ZFAT: variants seen among roughly 807,000 people sequenced by gnomAD.
ZFAT encodes the protein zinc finger protein ZFAT.
In ZFAT, 64 loss-of-function variants were observed where a neutral mutation model predicts 117.7. The ratio of observed to expected loss-of-function variants is 0.54; its 90% CI spans 0.44 to 0.67. The LOEUF (loss-of-function observed/expected upper bound fraction) is 0.67. Among genes scored for constraint, ZFAT ranks in the 30% least tolerant of loss-of-function variants. The pLI is 0.00. For synonymous variants in ZFAT, 679 were observed against 615.0 expected (o/e 1.10, Z -1.54); for missense variants, 1,433 against 1,584.5 (o/e 0.90, Z 1.62).
chr8:134,578,150 C>A (rs911346415), intron 10 of ZFAT, among the ~76,000 whole-genome samples: 16 of 152,066 alleles, frequency 1.1e-4, no homozygotes, highest in Non-Finnish European at 1.0e-4. Context: ...CATGGCGGCT[C>A]ACATGTAATC....
chr8:134,521,022 TA>T (rs533871290), intron 12 of ZFAT, 21 bp from the exon 13 acceptor site: 20,659 of 1,334,748 alleles, frequency 0.015, no homozygotes, highest in South Asian at 0.023. Context: ...AGACAGAGGT[TA>T]AAAAAAAAAT....
chr8:134,717,630 C>T (rs1347016582), upstream of ZFAT, among the ~76,000 whole-genome samples: 7 of 150,332 alleles, frequency 4.7e-5, no homozygotes, highest in Non-Finnish European at 1.0e-4. Flanking sequence ...CTACAGGCGC[C>T]CACCACCACA....
chr8:134,657,652 G>A lies in ZFAT; in HGVS notation c.105C>T (p.His35=), dbSNP rs757606255. ...SELLSHVSEK[H]MEEGVNVDEI... ...CATCAACATTAACCCCTTCTTCCATGTGCTTCTCTGAAACGTGGGAGAGGA... is the reference window on the plus strand; with the variant it reads ...CATCAACATTAACCCCTTCTTCCATATGCTTCTCTGAAACGTGGGAGAGGA... The change falls in exon 2 of 16, where the codon CAC becomes CAT. Residue 35 remains histidine (H), a synonymous_variant. Coordinates refer to ENST00000377838, the MANE Select transcript of ZFAT (RefSeq NM_020863.4). The A allele has an allele frequency of 1.2e-6, 2 of 1,614,032 alleles. No homozygotes were observed.
intron 13 of ZFAT, among the ~76,000 whole-genome samples, chr8:134,514,571 G>C (rs998079336): frequency 5.3e-5 from 8 of 152,152 alleles, no homozygotes; most frequent in African/African-American, 1.7e-4. Context: ...TGAGCTCTCA[G>C]GGATTATCAG....
chr8:134,784,434 C>A, the ZFAT span: 8 of 152,038 alleles, frequency 5.3e-5, no homozygotes, highest in African/African-American at 1.4e-4. Context: ...TCTTTAAAAG[C>A]AAATCAGTCT....
intron 2 of ZFAT, among the ~76,000 whole-genome samples, chr8:134,645,283 T>A (rs1830816800): frequency 6.6e-6 from 1 of 152,242 alleles, no homozygotes; most frequent in Non-Finnish European, 1.5e-5. Context: ...ATTGTGAAGG[T>A]TAAACCTGAA....
chr8:134,536,196 C>A (rs184849029), intron 11 of ZFAT, among the ~76,000 whole-genome samples: 4 of 152,300 alleles, frequency 2.6e-5, no homozygotes, highest in African/African-American at 7.2e-5. Flanking sequence ...CTTGAGCTAG[C>A]AATTTCTATC....
At chr8:134,671,370 C>A (rs1471410823) in intron 1 of ZFAT, among the ~76,000 whole-genome samples, 1 of 152,162 alleles carries the variant, frequency 6.6e-6, no homozygotes, top group Non-Finnish European at 1.5e-5. Context: ...TACTGGCAAA[C>A]CGAATCCGGC....
chr8:134,808,404 T>C, the ZFAT span, among the ~76,000 whole-genome samples: 1,943 of 152,316 alleles, frequency 0.013, 22 homozygotes, highest in Non-Finnish European at 0.02. Flanking sequence ...CTTTATTTTC[T>C]TGACACACAA....
chr8:134,744,295 G>GTTTTTT, the ZFAT span, among the ~76,000 whole-genome samples: 1 of 132,124 alleles, frequency 7.6e-6, no homozygotes, highest in African/African-American at 2.8e-5. Context: ...GAGGCTAAGA[G>GTTTTTT]TTTTTTTTTT....
Position 134,478,601 on chromosome 8 carries a change from T to C in ZFAT, c.3613A>G (p.Ile1205Val). The change falls in exon 16 of 16, where the codon ATT becomes GTT. Residue 1205 changes from isoleucine (I) to valine (V), a missense_variant. Coordinates refer to ENST00000377838, the MANE Select transcript of ZFAT (RefSeq NM_020863.4). This position sits in a 1 kb window ranked among gnomAD's most constrained non-coding sequence, Gnocchi z 5.2. ...TGCGTGTAGACAGTCACCGTCTCAATGCCCTCCACGTCGTCGGAGGACACC... is the reference window on the plus strand; with the variant it reads ...TGCGTGTAGACAGTCACCGTCTCAACGCCCTCCACGTCGTCGGAGGACACC... ...LVVSSDDVEGIETVTVYTQGG... is the reference protein window; with the variant it reads ...LVVSSDDVEGVETVTVYTQGG... 1.9e-6 allele frequency: 3 copies of C among 1,592,410 alleles called. No individual in the cohort carries two copies. The highest frequency in any genetic ancestry group is 1.3e-5 in the African/African-American group (1 of 74,494).
intron 14 of ZFAT, chr8:134,510,061 C>A (rs188412822): frequency 4.2e-6 from 2 of 470,992 alleles, no homozygotes; most frequent in Non-Finnish European, 4.2e-6. Context: ...CTTGAACCCA[C>A]GTGCTCTGAG....
the ZFAT span, among the ~76,000 whole-genome samples, chr8:134,751,683 G>A: frequency 1.3e-5 from 2 of 152,204 alleles, no homozygotes; most frequent in East Asian, 1.9e-4. Flanking sequence ...ACCAGGTGGG[G>A]GAATGTGAAG....
intron 7 of ZFAT, 198 bp downstream of exon 7, chr8:134,600,238 C>T (rs1827299709): frequency 6.4e-6 from 4 of 624,606 alleles, no homozygotes; most frequent in Non-Finnish European, 1.1e-5. Context: ...CATCTAATCT[C>T]TTTTTTCAAC....
intron 15 of ZFAT, among the ~76,000 whole-genome samples, chr8:134,503,000 C>A (rs781040838): frequency 6.6e-6 from 1 of 152,222 alleles, no homozygotes; most frequent in Non-Finnish European, 1.5e-5. Flanking sequence ...CCCATCCCCA[C>A]CCCAGGCTCA....
chr8:134,693,713 C>T (rs1833694465), intron 1 of ZFAT, among the ~76,000 whole-genome samples: 1 of 152,110 alleles, frequency 6.6e-6, no homozygotes, highest in African/African-American at 2.4e-5. Context: ...TGATGCTAAC[C>T]AAGTCTGGCA....
the ZFAT span, among the ~76,000 whole-genome samples, chr8:134,782,119 A>G: frequency 6.6e-6 from 1 of 152,204 alleles, no homozygotes; most frequent in Admixed American, 6.5e-5. Context: ...GGTGGATTTA[A>G]TGTCTTGCCC....
At position 134,602,720 on chromosome 8, in the gene ZFAT, G is replaced by T; in HGVS notation, c.999C>A (p.Phe333Leu). The T allele has an allele frequency of 6.2e-7, 1 of 1,614,014 alleles. No individual in the cohort carries two copies. Among genetic ancestry groups the T allele is most frequent in the Non-Finnish European group, 8.5e-7 (1 of 1,179,908 alleles). ...GEKFACDYCS[F>L]TCLSKGHLKV... ...TGAGGTGGCCCTTGCTCAGGCAGGTGAACGAGCAATAGTCGCAGGCGAACT... is the reference window on the plus strand; with the variant it reads ...TGAGGTGGCCCTTGCTCAGGCAGGTTAACGAGCAATAGTCGCAGGCGAACT... The change falls in exon 6 of 16, where the codon TTC becomes TTA. Residue 333 changes from phenylalanine to leucine, a missense_variant. By Grantham distance (22) the Phe-to-Leu change is conservative. Around this residue, in one of 5 missense-constraint regions of ZFAT, gnomAD observed 436 missense variants for 482.0 expected, o/e 0.90. Transcript: ENST00000377838.
chr8:134,809,068 T>C, the ZFAT span, among the ~76,000 whole-genome samples: 940 of 152,328 alleles, frequency 6.2e-3, 4 homozygotes, highest in Middle Eastern at 0.034. Flanking sequence ...TTTGGTGTTA[T>C]TGGTGCTTAG....
Sources: gnomAD v4.1 joint callset for allele counts (sites outside exome capture counted in the v4.1 genomes callset) on GRCh38, gnomAD v4.1.1 for gene constraint, gnomAD v4.1.1 regional missense constraint, Gnocchi (gnomAD v3.1) non-coding constraint, MANE v1.5 for transcripts, NCBI Gene and HGNC (gene_info 2026-07-23, HGNC 2026-07-21) for gene names.